The following PDGFD variants were observed in gnomAD, a reference collection of about 807,000 sequenced individuals.
PDGFD encodes platelet derived growth factor D.
In PDGFD, 30 loss-of-function variants were observed where a neutral mutation model predicts 44.7. That is an observed-to-expected ratio of 0.67 (90% CI 0.50 to 0.91). The LOEUF (loss-of-function observed/expected upper bound fraction) is 0.91, where lower values mean the gene tolerates loss of function less well. PDGFD is among the 40% of genes least tolerant of loss of function. The pLI is 0.00. For synonymous variants in PDGFD, 173 were observed against 168.4 expected (o/e 1.03, Z -0.21); for missense variants, 445 against 457.8 (o/e 0.97, Z 0.25).
At chr11:103,913,556 T>C (rs888067194) in intron 6 of PDGFD, among the ~76,000 whole-genome samples, 2 of 152,130 alleles carry the variant, frequency 1.3e-5, no homozygotes, top group Admixed American at 6.5e-5. Flanking sequence ...GCAGGAAATA[T>C]CTAAAATAGA....
rs1861701891 is a variant in PDGFD at position 104,119,098 on chromosome 11, T to TATATTA, written c.124+44705_124+44706insTAATAT. 1.3e-4 allele frequency among the ~76,000 whole-genome samples: 7 copies of TATATTA among 53,750 alleles called. 1 individual carries two copies. Among genetic ancestry groups the TATATTA allele is most frequent in the African/African-American group, 2.1e-4 (3 of 14,354 alleles). 35.3% of individuals were successfully genotyped at this position (53,750 alleles called of 152,430 possible). On this transcript the variant is annotated intron_variant, in intron 1 of 6. Transcript: ENST00000393158. ...TATAATATATAATATATTGATATAA[T>TATATTA]ATATAATATATTAATATAATATATT...
At chr11:104,134,276 C>A (rs1861968376) in intron 1 of PDGFD, among the ~76,000 whole-genome samples, 2 of 151,288 alleles carry the variant, frequency 1.3e-5, no homozygotes. Context: ...TAATGGAATA[C>A]TCACATTAAA....
intron 1 of PDGFD, among the ~76,000 whole-genome samples, chr11:104,153,084 G>T (rs1425004373): frequency 6.6e-6 from 1 of 150,686 alleles, no homozygotes; most frequent in Non-Finnish European, 1.5e-5. Context: ...CACAAATTAA[G>T]TTTCTATCTT....
intron 2 of PDGFD, among the ~76,000 whole-genome samples, chr11:103,997,300 T>C (rs1859547714): frequency 6.6e-6 from 1 of 152,094 alleles, no homozygotes; most frequent in Non-Finnish European, 1.5e-5. Flanking sequence ...GTTACAATCA[T>C]CAGAAGGAAT....
chr11:104,062,761 T>G (rs1243945708), intron 1 of PDGFD, among the ~76,000 whole-genome samples: 1 of 152,162 alleles, frequency 6.6e-6, no homozygotes, highest in Non-Finnish European at 1.5e-5. Context: ...AAAATTCATG[T>G]TAAGGGAAGA....
intron 1 of PDGFD, among the ~76,000 whole-genome samples, chr11:104,030,192 C>T (rs549094689): frequency 2.0e-5 from 3 of 152,280 alleles, no homozygotes; most frequent in African/African-American, 7.2e-5. Flanking sequence ...TATTCCAAAA[C>T]TTCAAAAAAC....
intron 3 of PDGFD, among the ~76,000 whole-genome samples, chr11:103,959,880 T>A (rs1373916746): frequency 1.3e-5 from 2 of 152,162 alleles, no homozygotes; most frequent in South Asian, 2.1e-4. Flanking sequence ...TGGAATAGGA[T>A]AAATGGTAAT....
At chr11:104,013,867 T>G (rs1859822222) in intron 1 of PDGFD, among the ~76,000 whole-genome samples, 1 of 151,842 alleles carries the variant, frequency 6.6e-6, no homozygotes, top group Admixed American at 6.6e-5. Context: ...TCATAAAGAT[T>G]TGATGACTAC....
At chr11:104,112,493 C>A (rs766693708) in intron 1 of PDGFD, among the ~76,000 whole-genome samples, 1 of 151,930 alleles carries the variant, frequency 6.6e-6, no homozygotes, top group Non-Finnish European at 1.5e-5. Flanking sequence ...GACAGAAATA[C>A]CATTTGACCA....
intron 1 of PDGFD, among the ~76,000 whole-genome samples, chr11:104,002,274 C>A (rs531892381): frequency 3.7e-4 from 57 of 152,286 alleles, no homozygotes; most frequent in African/African-American, 1.3e-3. Context: ...TGTCCCCACC[C>A]AAATCTCATC....
At chr11:104,077,871 C>T (rs1035656874) in intron 1 of PDGFD, among the ~76,000 whole-genome samples, 1 of 152,026 alleles carries the variant, frequency 6.6e-6, no homozygotes, top group African/African-American at 2.4e-5. Context: ...CTATTTTTTT[C>T]ACCCTTTCCC....
At chr11:104,040,478 G>A (rs1316915571) in intron 1 of PDGFD, among the ~76,000 whole-genome samples, 1 of 151,970 alleles carries the variant, frequency 6.6e-6, no homozygotes, top group African/African-American at 2.4e-5. Flanking sequence ...ATGTAATTCT[G>A]TGTATACTTA....
intron 1 of PDGFD, among the ~76,000 whole-genome samples, chr11:104,024,127 A>C (rs1472535450): frequency 6.6e-6 from 1 of 152,194 alleles, no homozygotes; most frequent in Non-Finnish European, 1.5e-5. Context: ...GGTAAATGAA[A>C]AGGTCTCATA....
intron 1 of PDGFD, among the ~76,000 whole-genome samples, chr11:104,133,612 T>C (rs963059642): frequency 1.2e-4 from 18 of 152,212 alleles, no homozygotes; most frequent in African/African-American, 4.1e-4. Context: ...TAGGATCTTA[T>C]TGACATGTTT....
intron 1 of PDGFD, among the ~76,000 whole-genome samples, chr11:104,050,062 T>C (rs1565321024): frequency 6.6e-6 from 1 of 152,088 alleles, no homozygotes; most frequent in Non-Finnish European, 1.5e-5. Flanking sequence ...AGGACATATA[T>C]GGGTAGTTCA....
intron 1 of PDGFD, among the ~76,000 whole-genome samples, chr11:104,095,759 G>A (rs537360055): frequency 1.4e-4 from 21 of 152,234 alleles, no homozygotes; most frequent in South Asian, 1.0e-3. Context: ...TGAAATCTCC[G>A]TTACTGTTAG....
intron 1 of PDGFD, among the ~76,000 whole-genome samples, chr11:104,063,379 G>A (rs1237020443): frequency 6.6e-6 from 1 of 151,710 alleles, no homozygotes; most frequent in Non-Finnish European, 1.5e-5. Context: ...AAGCAGAAGA[G>A]GAATTAATCT....
chr11:104,039,440 T>C (rs1860310256), intron 1 of PDGFD, among the ~76,000 whole-genome samples: 1 of 151,960 alleles, frequency 6.6e-6, no homozygotes, highest in African/African-American at 2.4e-5. Context: ...ATAATCTCCA[T>C]ATACTTTTTG....
At chr11:104,012,198 A>G (rs1339558755) in intron 1 of PDGFD, among the ~76,000 whole-genome samples, 1 of 152,192 alleles carries the variant, frequency 6.6e-6, no homozygotes, top group Non-Finnish European at 1.5e-5. Context: ...AATTCCTAGC[A>G]TTCTTTGATA....
Sources: allele counts gnomAD v4.1 joint callset (sites outside exome capture counted in the v4.1 genomes callset), GRCh38; gene constraint gnomAD v4.1.1; transcripts MANE v1.5; gene names NCBI Gene and HGNC (gene_info 2026-07-23, HGNC 2026-07-21).